Variants in ZCWPW2 observed in about 807,000 individuals in gnomAD.
ZCWPW2 encodes the protein zinc finger CW-type and PWWP domain containing 2.
ZCWPW2 carries 45 observed loss-of-function variants against 46.6 expected under a neutral mutation model. The observed-to-expected ratio is 0.96, with a 90% CI of 0.76 to 1.24. The LOEUF (loss-of-function observed/expected upper bound fraction) is 1.24, where lower values mean the gene tolerates loss of function less well. ZCWPW2 is among the 50% of genes most tolerant of loss of function. ZCWPW2 has a pLI of 0.00. For missense variants in ZCWPW2, 429 were observed against 403.9 expected (o/e 1.06, Z -0.53); for synonymous variants, 152 against 137.1 (o/e 1.11, Z -0.76).
chr3:28,435,805 T>C (rs960188832), intron 4 of ZCWPW2, among the ~76,000 whole-genome samples: 5 of 152,106 alleles, frequency 3.3e-5, no homozygotes, highest in African/African-American at 1.2e-4. Flanking sequence ...ATTTTTCTAA[T>C]GGTAATATAA....
At chr3:28,435,555 G>A (rs1202980837) in intron 4 of ZCWPW2, among the ~76,000 whole-genome samples, 7 of 146,466 alleles carry the variant, frequency 4.8e-5, no homozygotes, top group South Asian at 2.1e-4. Context: ...GCGCGATCTC[G>A]GCTCACTGCA....
At chr3:28,447,755 G>C (rs766845493) in intron 4 of ZCWPW2, 5 of 683,320 alleles carry the variant, frequency 7.3e-6, no homozygotes, top group African/African-American at 1.8e-5. Flanking sequence ...CCATCGTAGG[G>C]TTTCCTACAA....
intron 1 of ZCWPW2, among the ~76,000 whole-genome samples, chr3:28,383,350 C>CA (rs1695164627): frequency 3.4e-5 from 5 of 148,628 alleles, no homozygotes; most frequent in Admixed American, 3.3e-4. Flanking sequence ...TGACACAAAG[C>CA]AAAGGTTAAT....
At chr3:28,482,611 C>T (rs188803437) in intron 5 of ZCWPW2, among the ~76,000 whole-genome samples, 1 of 152,286 alleles carries the variant, frequency 6.6e-6, no homozygotes, top group African/African-American at 2.4e-5. Flanking sequence ...TTTGCATTCC[C>T]ACCAGCAATG....
At chr3:28,483,165 A>G (rs1375364862) in intron 5 of ZCWPW2, among the ~76,000 whole-genome samples, 1 of 152,074 alleles carries the variant, frequency 6.6e-6, no homozygotes, top group Non-Finnish European at 1.5e-5. Context: ...CTTTTTGTGA[A>G]AGGTGTAAGA....
chr3:28,356,469 A>G (rs1704735353), intron 1 of ZCWPW2, among the ~76,000 whole-genome samples: 1 of 152,244 alleles, frequency 6.6e-6, no homozygotes, highest in Non-Finnish European at 1.5e-5. Context: ...ATCTAGAAGT[A>G]GAAATACTAT....
chr3:28,448,387 A>G (rs949200016), intron 4 of ZCWPW2, among the ~76,000 whole-genome samples: 2 of 152,198 alleles, frequency 1.3e-5, no homozygotes, highest in African/African-American at 2.4e-5. Context: ...GAGATCAAAT[A>G]CTTGTACAAT....
At chr3:28,521,597 G>C (rs1461725490) in intron 9 of ZCWPW2, among the ~76,000 whole-genome samples, 1 of 152,178 alleles carries the variant, frequency 6.6e-6, no homozygotes, top group Non-Finnish European at 1.5e-5. Context: ...TTTATATGTA[G>C]ACTCCTCCTT....
intron 4 of ZCWPW2, 46 bp downstream of exon 4, chr3:28,435,315 T>C (rs1358606995): frequency 6.5e-7 from 1 of 1,534,700 alleles, no homozygotes; most frequent in African/African-American, 1.4e-5. Flanking sequence ...CACTTATTTT[T>C]AGTTATGGTA....
intron 1 of ZCWPW2, among the ~76,000 whole-genome samples, chr3:28,363,316 G>A (rs1705009750): frequency 6.6e-6 from 1 of 151,990 alleles, no homozygotes; most frequent in Non-Finnish European, 1.5e-5. Flanking sequence ...AAATGGTCAA[G>A]AGACTTAAAC....
chr3:28,417,231 A>G (rs1430151215), intron 3 of ZCWPW2, among the ~76,000 whole-genome samples: 2 of 152,118 alleles, frequency 1.3e-5, no homozygotes, highest in East Asian at 3.9e-4. Context: ...AGAATACTAT[A>G]AATACCTCTA....
At chr3:28,509,129 G>T (rs1284937578) in intron 6 of ZCWPW2, among the ~76,000 whole-genome samples, 1 of 151,896 alleles carries the variant, frequency 6.6e-6, no homozygotes, top group Non-Finnish European at 1.5e-5. Context: ...TTTATGCCTG[G>T]CTGTTCACTT....
intron 4 of ZCWPW2, among the ~76,000 whole-genome samples, chr3:28,475,848 G>A (rs6771913): frequency 6.6e-6 from 1 of 151,958 alleles, no homozygotes; most frequent in African/African-American, 2.4e-5. Flanking sequence ...CCACCCCTCA[G>A]CACTCATGAT....
In ZCWPW2 at chr3:28,467,453, A is replaced by T. The variant is rs144868974; in HGVS notation, c.493-11361A>T. On this transcript the variant is annotated intron_variant, in intron 4 of 9. Coordinates refer to ENST00000383768, the MANE Select transcript of ZCWPW2 (RefSeq NM_001040432.4). ...AAAATATAAATGGCTTTTAAAAAACAATCACAACCTACTGATTGTAGATCT... is the reference window on the plus strand; with the variant it reads ...AAAATATAAATGGCTTTTAAAAAACTATCACAACCTACTGATTGTAGATCT... Among the ~76,000 whole-genome samples the T allele has an allele frequency of 8.6e-4, 129 of 150,126 alleles. 1 individual carries two copies. The highest frequency in any genetic ancestry group is 6.8e-3 in the Middle Eastern group (2 of 292).
intron 1 of ZCWPW2, among the ~76,000 whole-genome samples, chr3:28,370,089 G>T (rs1056478567): frequency 6.6e-6 from 1 of 152,168 alleles, no homozygotes; most frequent in Non-Finnish European, 1.5e-5. Flanking sequence ...GGAATTCCCT[G>T]ACCCCTTGAG....
chr3:28,429,652 T>C (rs1453262988), intron 3 of ZCWPW2, among the ~76,000 whole-genome samples: 1 of 152,168 alleles, frequency 6.6e-6, no homozygotes, highest in Non-Finnish European at 1.5e-5. Flanking sequence ...GAGGTCTTCA[T>C]GGTAGCCCTT....
intron 1 of ZCWPW2, among the ~76,000 whole-genome samples, chr3:28,354,235 A>T (rs899871593): frequency 6.6e-6 from 1 of 152,120 alleles, no homozygotes; most frequent in Non-Finnish European, 1.5e-5. Flanking sequence ...ACCTTTAGGC[A>T]AATAAACTAG....
Position 28,454,625 on chromosome 3 carries a change from C to T in ZCWPW2, c.492+19356C>T, listed in dbSNP as rs139317917. Reference sequence around the variant, plus strand: ...CATCCCCTATCTATTCTTCCCTATCCTCTCCATCTTCCTATTCCCCACCCT... The same window carrying T: ...CATCCCCTATCTATTCTTCCCTATCTTCTCCATCTTCCTATTCCCCACCCT... On this transcript the variant is annotated intron_variant, in intron 4 of 9. Coordinates refer to ENST00000383768, the MANE Select transcript of ZCWPW2 (RefSeq NM_001040432.4). Among the ~76,000 whole-genome samples, 385 of 152,286 alleles carry T rather than the reference C, an allele frequency of 2.5e-3. 1 individual carries two copies. The highest frequency in any genetic ancestry group is 8.4e-3 in the African/African-American group (350 of 41,566).
intron 3 of ZCWPW2, among the ~76,000 whole-genome samples, chr3:28,421,096 G>T (rs1696763867): frequency 6.6e-6 from 1 of 152,076 alleles, no homozygotes; most frequent in East Asian, 1.9e-4. Context: ...ATATGTGGGA[G>T]CACCTCTTTG....
Sources: gnomAD v4.1 joint callset for allele counts (sites outside exome capture counted in the v4.1 genomes callset) on GRCh38, gnomAD v4.1.1 for gene constraint, MANE v1.5 for transcripts, NCBI Gene and HGNC (gene_info 2026-07-23, HGNC 2026-07-21) for gene names.